The following ELAVL4 variants were observed in gnomAD, a reference collection of about 807,000 sequenced individuals.
ELAVL4 encodes ELAV like RNA binding protein 4, also known as ELAV-like protein 4.
ELAVL4 carries 1 observed loss-of-function variant against 35.6 expected under a neutral mutation model. The ratio of observed to expected loss-of-function variants is 0.03; its 90% CI spans 0.01 to 0.13. ELAVL4 has a LOEUF of 0.13. Among genes scored for constraint, ELAVL4 ranks in the 10% least tolerant of loss-of-function variants. The probability of loss-of-function intolerance (pLI) is 1.00; values close to 1 mark genes in which losing one functional copy is unlikely to be tolerated. For synonymous variants in ELAVL4, 156 were observed against 171.0 expected (o/e 0.91, Z 0.69); for missense variants, 267 against 464.9 (o/e 0.57, Z 3.91).
intron 1 of ELAVL4, among the ~76,000 whole-genome samples, chr1:50,078,808 C>T (rs983527593): frequency 7.2e-5 from 11 of 152,184 alleles, no homozygotes; most frequent in African/African-American, 2.7e-4. Context: ...GCTGACACCA[C>T]CCTCTCTTCT....
intron 1 of ELAVL4, among the ~76,000 whole-genome samples, chr1:50,079,106 T>C (rs955223819): frequency 6.6e-6 from 1 of 152,186 alleles, no homozygotes; most frequent in Non-Finnish European, 1.5e-5. Flanking sequence ...TTTATTATTA[T>C]TTTTTAGATG....
At chr1:50,102,753 C>T (rs753463727), upstream of ELAVL4, among the ~76,000 whole-genome samples, 2 of 152,116 alleles carry the variant, frequency 1.3e-5, no homozygotes, top group Non-Finnish European at 2.9e-5. Flanking sequence ...CTCATCTGAA[C>T]TGATATGAAG....
intron 1 of ELAVL4, among the ~76,000 whole-genome samples, chr1:50,060,113 T>C (rs1424842260): frequency 6.6e-6 from 1 of 152,238 alleles, no homozygotes; most frequent in African/African-American, 2.4e-5. Flanking sequence ...CTCAATAAAG[T>C]ATTTTTCAAA....
At chr1:50,179,261 C>T (rs541974879) in intron 3 of ELAVL4, among the ~76,000 whole-genome samples, 22 of 152,102 alleles carry the variant, frequency 1.4e-4, no homozygotes, top group South Asian at 6.2e-4. Context: ...TCAAAATGCA[C>T]GATGCCATGG....
intron 1 of ELAVL4, among the ~76,000 whole-genome samples, chr1:50,063,302 T>G (rs1664094597): frequency 6.6e-6 from 1 of 152,220 alleles, no homozygotes; most frequent in African/African-American, 2.4e-5. Context: ...ATGATATTTA[T>G]ATAATGTGTT....
chr1:50,086,468 T>C (rs1665245858), intron 1 of ELAVL4, among the ~76,000 whole-genome samples: 1 of 126,436 alleles, frequency 7.9e-6, no homozygotes, highest in Admixed American at 8.6e-5. Context: ...CTTGGAACCA[T>C]TCAGCTTTTA....
chr1:50,168,378 G>A (rs1024622586), intron 2 of ELAVL4, among the ~76,000 whole-genome samples: 4 of 152,060 alleles, frequency 2.6e-5, no homozygotes, highest in Admixed American at 6.6e-5. Flanking sequence ...GACACCTGGC[G>A]AGGCTGTGCA....
At position 50,201,309 on chromosome 1, in the gene ELAVL4, A is replaced by C; in HGVS notation, c.*131A>C. 8.7e-7 allele frequency: 1 copy of C among 1,152,120 alleles called. No homozygotes were observed. The allele number at this position is 1,152,120 out of a possible 1,614,324, so 71.4% of individuals were successfully genotyped here. ...GCTTATATTCAACCATGGACTTTAT[A>C]AGCCAGTGTTGCCTAAGTATTAAAA... On this transcript the variant is annotated 3_prime_UTR_variant, in exon 7 of 7. Coordinates refer to ENST00000371824, the MANE Select transcript of ELAVL4 (RefSeq NM_001144774.3). This position sits in a 1 kb window ranked among gnomAD's most constrained non-coding sequence, Gnocchi z 4.3.
intron 3 of ELAVL4, among the ~76,000 whole-genome samples, chr1:50,178,248 A>G (rs1680414943): frequency 6.6e-6 from 1 of 152,204 alleles, no homozygotes; most frequent in African/African-American, 2.4e-5. Context: ...AAGTAGGACA[A>G]AAGAGAAACC....
chr1:50,074,531 T>C (rs1320542397), intron 1 of ELAVL4, among the ~76,000 whole-genome samples: 2 of 152,198 alleles, frequency 1.3e-5, no homozygotes, highest in African/African-American at 4.8e-5. Context: ...CGGTTTTGTA[T>C]TGGCTCCGGA....
In ELAVL4 at chr1:50,071,967, A is replaced by G. The variant is rs12044153; in HGVS notation, c.18+23785A>G. 7.9e-4 allele frequency among the ~76,000 whole-genome samples: 121 copies of G among 152,326 alleles called. 2 individuals are homozygous for G. The East Asian group carries it at 0.019, about 23-fold the overall frequency. ...TTGGCATCCAGTAAGTAGTCAACAA[A>G]TAGTACCTATTACTATTAATATTAA... On this transcript the variant is annotated intron_variant, in intron 1 of 6. Transcript: ENST00000448907.
At chr1:50,103,824 G>T, upstream of ELAVL4, 5 of 1,373,246 alleles carry the variant, frequency 3.6e-6, no homozygotes, top group Non-Finnish European at 2.0e-6. Flanking sequence ...CAATTGAGGG[G>T]CAAGAAGAGG....
intron 1 of ELAVL4, among the ~76,000 whole-genome samples, chr1:50,113,139 A>G (rs1377173531): frequency 2.0e-5 from 3 of 152,084 alleles, no homozygotes; most frequent in Non-Finnish European, 2.9e-5. Flanking sequence ...CAATATCTCT[A>G]AAAGGACTTG....
intron 2 of ELAVL4, among the ~76,000 whole-genome samples, chr1:50,151,107 C>G (rs909628723): frequency 1.3e-5 from 2 of 152,180 alleles, no homozygotes; most frequent in African/African-American, 4.8e-5. Context: ...AGTTGAATTA[C>G]TGGCCAACGT....
intron 1 of ELAVL4, among the ~76,000 whole-genome samples, chr1:50,112,533 CTAAG>C (rs1169373662): frequency 6.6e-6 from 1 of 151,934 alleles, no homozygotes; most frequent in African/African-American, 2.4e-5. Context: ...AAACATCTGA[CTAAG>C]TAGCAGTTTT....
At chr1:50,194,733 A>T (rs1473984942) in intron 4 of ELAVL4, among the ~76,000 whole-genome samples, 1 of 152,110 alleles carries the variant, frequency 6.6e-6, no homozygotes, top group Non-Finnish European at 1.5e-5. Context: ...TGCCCCTGAG[A>T]GCTCAGGAGA....
chr1:50,154,338 T>A (rs1408683372), intron 2 of ELAVL4, among the ~76,000 whole-genome samples: 3 of 152,200 alleles, frequency 2.0e-5, no homozygotes. Flanking sequence ...CCATTATTTA[T>A]CTCTCTAAGG....
rs563185891 is a variant in ELAVL4, at chr1:50,074,988, T to C, written c.18+26806T>C. On this transcript the variant is annotated intron_variant, in intron 1 of 6. Transcript: ENST00000448907. ...AAGACAAACATTTATCTACAAATTA[T>C]AGTAAGTTCTATGAAGGAAATGAAT... Among the ~76,000 whole-genome samples, 239 of 152,310 alleles carry C rather than the reference T, an allele frequency of 1.6e-3. 1 individual carries two copies. Among genetic ancestry groups the C allele is most frequent in the African/African-American group, 5.2e-3 (215 of 41,558 alleles).
Position 50,193,821 on chromosome 1 carries a change from C to T in ELAVL4, c.411C>T (p.Ser137=), listed in dbSNP as rs374149997. ...ASIRDANLYV[S]GLPKTMTQKE... Reference sequence around the variant, plus strand: ...TCAGGGATGCTAACCTCTATGTTAGCGGCCTTCCCAAAACCATGACCCAGA... The same window carrying T: ...TCAGGGATGCTAACCTCTATGTTAGTGGCCTTCCCAAAACCATGACCCAGA... Residue 137 remains serine (S), a synonymous_variant, in exon 4 of 7, where the codon AGC becomes AGT. Transcript: ENST00000371824. 21 of 1,613,926 alleles carry T rather than the reference C, an allele frequency of 1.3e-5. No homozygotes were observed. Among genetic ancestry groups the T allele is most frequent in the African/African-American group, 5.3e-5 (4 of 74,896 alleles).
Sources: allele counts gnomAD v4.1 joint callset (sites outside exome capture counted in the v4.1 genomes callset), GRCh38; gene constraint gnomAD v4.1.1; non-coding constraint Gnocchi (gnomAD v3.1); transcripts MANE v1.5; gene names NCBI Gene and HGNC (gene_info 2026-07-23, HGNC 2026-07-21).